Variants in MCTP1 observed in about 807,000 individuals in gnomAD.
MCTP1 encodes multiple C2 and transmembrane domain containing 1.
Under a neutral mutation model 120.6 loss-of-function variants are expected in MCTP1, and 69 were observed. The ratio of observed to expected loss-of-function variants is 0.57; its 90% CI spans 0.47 to 0.70. The LOEUF (loss-of-function observed/expected upper bound fraction) is 0.70. MCTP1 is among the 30% of genes least tolerant of loss of function. MCTP1 has a pLI of 0.00. For missense variants in MCTP1, 1,203 were observed against 1,248.8 expected (o/e 0.96, Z 0.55); for synonymous variants, 529 against 493.1 (o/e 1.07, Z -0.96).
rs970144961 is a variant in MCTP1, at chr5:94,706,633, A to G, written c.*863T>C. On this transcript the variant is annotated 3_prime_UTR_variant, in exon 23 of 23. Coordinates refer to ENST00000515393, the MANE Select transcript of MCTP1 (RefSeq NM_024717.7). ...TTTATTAAAATATTTTTAGATGCAC[A>G]GATACAATCTGACACCAAAAGCGAT... 6.6e-6 allele frequency: 1 copy of G among 150,988 alleles called. No individual in the cohort carries two copies. The highest frequency in any genetic ancestry group is 1.5e-5 in the Non-Finnish European group (1 of 67,704). The allele number at this position is 150,988 out of a possible 1,614,324, so 9.4% of individuals were successfully genotyped here.
At chr5:95,123,631 T>C (rs1322954062) in intron 1 of MCTP1, among the ~76,000 whole-genome samples, 1 of 145,110 alleles carries the variant, frequency 6.9e-6, no homozygotes, top group Non-Finnish European at 1.5e-5. Context: ...AAGAAAGTAT[T>C]TGGATTCTAA....
chr5:95,098,013 T>C (rs1031036573), intron 1 of MCTP1, among the ~76,000 whole-genome samples: 4 of 152,228 alleles, frequency 2.6e-5, no homozygotes, highest in African/African-American at 4.8e-5. Flanking sequence ...ACCAGAAGTT[T>C]CTGACATATT....
chr5:94,745,165 C>T (rs948671688), intron 19 of MCTP1, among the ~76,000 whole-genome samples: 4 of 152,170 alleles, frequency 2.6e-5, no homozygotes, highest in African/African-American at 9.7e-5. Context: ...AAGTTTAGGG[C>T]TTCAGGTTTG....
intron 17 of MCTP1, among the ~76,000 whole-genome samples, chr5:94,842,017 C>T (rs1791155784): frequency 6.6e-6 from 1 of 152,196 alleles, no homozygotes; most frequent in Non-Finnish European, 1.5e-5. Context: ...ACTCTCTGCA[C>T]ATTGAAAAGT....
At position 94,869,897 on chromosome 5, in the gene MCTP1, T is replaced by C. The variant is rs529156500; in HGVS notation, c.2316+520A>G. 2.0e-4 allele frequency among the ~76,000 whole-genome samples: 31 copies of C among 152,270 alleles called. No individual in the cohort carries two copies. The South Asian group carries it at 5.8e-3, about 28-fold the overall frequency. On this transcript the variant is annotated intron_variant, in intron 16 of 22. Coordinates refer to ENST00000515393, the MANE Select transcript of MCTP1 (RefSeq NM_024717.7). ...TTAGCTAAAAATAATAAAAGTTTAC[T>C]TCTGAAAGATCATAGTTAAAATCTA...
chr5:95,076,442 G>A (rs904966582), intron 1 of MCTP1, among the ~76,000 whole-genome samples: 8 of 103,550 alleles, frequency 7.7e-5, no homozygotes, highest in Non-Finnish European at 1.5e-4. Flanking sequence ...GAACCATTAA[G>A]CTGAAAAAGG....
intron 17 of MCTP1, among the ~76,000 whole-genome samples, chr5:94,836,666 C>T (rs1789855916): frequency 6.6e-6 from 1 of 152,188 alleles, no homozygotes; most frequent in Non-Finnish European, 1.5e-5. Flanking sequence ...AAAGGCCCAC[C>T]TGATTGCCCA....
chr5:94,743,365 AG>A (rs141185250), intron 19 of MCTP1, among the ~76,000 whole-genome samples: 3,949 of 151,848 alleles, frequency 0.026, 75 homozygotes, highest in Non-Finnish European at 0.032. Context: ...ACTCCATGCT[AG>A]AGAGAGGAAA....
chr5:95,172,875 A>G (rs934469791), intron 1 of MCTP1, among the ~76,000 whole-genome samples: 2 of 152,218 alleles, frequency 1.3e-5, no homozygotes, highest in Non-Finnish European at 1.5e-5. Flanking sequence ...CTCTGAGAGA[A>G]CACAATAAAC....
chr5:94,798,324 A>G (rs1410804551), intron 18 of MCTP1, among the ~76,000 whole-genome samples: 1 of 152,264 alleles, frequency 6.6e-6, no homozygotes, highest in East Asian at 1.9e-4. Context: ...GGCAGAACAT[A>G]TGTGATTATA....
At chr5:95,163,541 T>G (rs751995118) in intron 1 of MCTP1, among the ~76,000 whole-genome samples, 1 of 152,232 alleles carries the variant, frequency 6.6e-6, no homozygotes, top group Non-Finnish European at 1.5e-5. Flanking sequence ...TAGAGAGCAG[T>G]AGGACTGCCT....
intron 19 of MCTP1, among the ~76,000 whole-genome samples, chr5:94,744,639 G>A (rs901349407): frequency 1.3e-5 from 2 of 152,162 alleles, no homozygotes; most frequent in Non-Finnish European, 2.9e-5. Context: ...GAGTAGCTGG[G>A]ATTACAGGCG....
intron 6 of MCTP1, among the ~76,000 whole-genome samples, 173 bp from the exon 7 acceptor site, chr5:94,924,194 T>C (rs1323202802): frequency 6.6e-6 from 1 of 152,150 alleles, no homozygotes; most frequent in African/African-American, 2.4e-5. Flanking sequence ...ATTAAAATTT[T>C]TGTGGTAGTA....
chr5:94,960,057 G>A (rs1361797737), intron 2 of MCTP1, among the ~76,000 whole-genome samples: 1 of 152,148 alleles, frequency 6.6e-6, no homozygotes, highest in Non-Finnish European at 1.5e-5. Context: ...GCATGGTACT[G>A]ATACCAAAAC....
Position 94,981,488 on chromosome 5 carries a change from G to A in MCTP1, c.839-28127C>T, listed in dbSNP as rs187032227. Among the ~76,000 whole-genome samples the A allele has an allele frequency of 2.6e-5, 4 of 152,222 alleles. No individual in the cohort carries two copies. The East Asian group carries it at 5.8e-4, about 22-fold the overall frequency. Reference sequence around the variant, plus strand: ...CAATATTTACTGGATGTCAACATGTGTTAGGTGCTGTGGATTCGGCAGTGC... The same window carrying A: ...CAATATTTACTGGATGTCAACATGTATTAGGTGCTGTGGATTCGGCAGTGC... On this transcript the variant is annotated intron_variant, in intron 2 of 22. Transcript: ENST00000515393.
At chr5:94,912,414 G>C (rs13162570) in intron 9 of MCTP1, among the ~76,000 whole-genome samples, 1 of 97,864 alleles carries the variant, frequency 1.0e-5, no homozygotes, top group Non-Finnish European at 1.8e-5. Context: ...CCTGGTGACA[G>C]AGTGAGACTC....
At position 94,752,346 on chromosome 5, in the gene MCTP1, T is replaced by C. The variant is rs1768689192; in HGVS notation, c.2610+26764A>G. Among the ~76,000 whole-genome samples, 4 of 151,698 alleles carry C rather than the reference T, an allele frequency of 2.6e-5. No homozygotes were observed. In the South Asian group the frequency reaches 8.3e-4, roughly 32 times the overall value. ...ACTAGTTGTTCAACCCTTTCAGTATTACTCAGCCAAACTGCAGCTGATCAG... is the reference window on the plus strand; with the variant it reads ...ACTAGTTGTTCAACCCTTTCAGTATCACTCAGCCAAACTGCAGCTGATCAG... On this transcript the variant is annotated intron_variant, in intron 19 of 22. Transcript: ENST00000515393.
intron 1 of MCTP1, among the ~76,000 whole-genome samples, chr5:95,274,814 G>C (rs1332001836): frequency 6.6e-6 from 1 of 151,854 alleles, no homozygotes; most frequent in Non-Finnish European, 1.5e-5. Context: ...TAGTAGAGAC[G>C]GGGTTTCATC....
At chr5:95,220,444 T>C (rs1562250869) in intron 1 of MCTP1, among the ~76,000 whole-genome samples, 1 of 152,166 alleles carries the variant, frequency 6.6e-6, no homozygotes, top group Non-Finnish European at 1.5e-5. Context: ...CAGAATTTTT[T>C]TCATTCTTAA....
Sources: gnomAD v4.1 joint callset for allele counts (sites outside exome capture counted in the v4.1 genomes callset) on GRCh38, gnomAD v4.1.1 for gene constraint, MANE v1.5 for transcripts, NCBI Gene and HGNC (gene_info 2026-07-23, HGNC 2026-07-21) for gene names.